CLOCK: variants seen among roughly 807,000 people sequenced by gnomAD.
CLOCK encodes circadian locomoter output cycles protein kaput.
CLOCK carries 43 observed loss-of-function variants against 118.4 expected under a neutral mutation model. That is an observed-to-expected ratio of 0.36 (90% CI 0.28 to 0.47). The LOEUF (loss-of-function observed/expected upper bound fraction) is 0.47, where lower values mean the gene tolerates loss of function less well. CLOCK is among the 20% of genes least tolerant of loss of function. The pLI is 1.00. For missense variants in CLOCK, 846 were observed against 999.9 expected (o/e 0.85, Z 2.08); for synonymous variants, 326 against 339.2 (o/e 0.96, Z 0.43).
chr4:55,498,579 T>TA (rs1728232293), intron 2 of CLOCK, among the ~76,000 whole-genome samples: 1 of 149,048 alleles, frequency 6.7e-6, no homozygotes, highest in Non-Finnish European at 1.5e-5. Context: ...GCTTTCAAAT[T>TA]TAAAAAATTG....
intron 21 of CLOCK, among the ~76,000 whole-genome samples, chr4:55,440,276 A>G (rs1242109619): frequency 6.6e-6 from 1 of 152,170 alleles, no homozygotes; most frequent in Non-Finnish European, 1.5e-5. Context: ...AAATTCATCA[A>G]CGCAGCATAG....
At chr4:55,474,455 G>A (rs772578034) in intron 7 of CLOCK, among the ~76,000 whole-genome samples, 4 of 152,158 alleles carry the variant, frequency 2.6e-5, no homozygotes, top group South Asian at 2.1e-4. Context: ...CAAGTGATCC[G>A]GGAGACCTGG....
chr4:55,466,346 T>C (rs1290696438), intron 8 of CLOCK, among the ~76,000 whole-genome samples: 2 of 152,168 alleles, frequency 1.3e-5, no homozygotes, highest in African/African-American at 4.8e-5. Context: ...TCCCCAGCCA[T>C]GCCAAACTGT....
intron 18 of CLOCK, among the ~76,000 whole-genome samples, chr4:55,445,561 T>C (rs1386817457): frequency 1.3e-5 from 2 of 150,434 alleles, no homozygotes; most frequent in Non-Finnish European, 3.0e-5. Context: ...GGTTGCTCTC[T>C]GCATCTGCTA....
intron 1 of CLOCK, among the ~76,000 whole-genome samples, chr4:55,529,387 T>C (rs4507426): frequency 0.3 from 46,227 of 151,940 alleles, 7,636 homozygotes; most frequent in East Asian, 0.58. Flanking sequence ...CTCAAACTCC[T>C]AGCTTCAAGC....
At chr4:55,435,658 C>T (rs1722820188) in intron 22 of CLOCK, 64 bp from the exon 23 acceptor site, 10 of 1,510,382 alleles carry the variant, frequency 6.6e-6, no homozygotes, top group Non-Finnish European at 9.2e-6. Flanking sequence ...ATAATAGTTA[C>T]TCACACTCTC....
intron 18 of CLOCK, among the ~76,000 whole-genome samples, 178 bp downstream of exon 18, chr4:55,448,601 C>CGCGCGCACGCGCGCGCGCGT (rs764071880): frequency 8.5e-6 from 1 of 116,980 alleles, no homozygotes; most frequent in Admixed American, 8.6e-5. Flanking sequence ...CGCACGCGCG[C>CGCGCGCACGCGCGCGCGCGT]GTGTGTGTGT....
At chr4:55,519,255 CTA>C (rs774612715) in intron 1 of CLOCK, among the ~76,000 whole-genome samples, 75 of 152,290 alleles carry the variant, frequency 4.9e-4, no homozygotes, top group Non-Finnish European at 1.0e-3. Flanking sequence ...CAAGGTCTCA[CTA>C]TGTTGCCCAG....
At chr4:55,462,026 T>C (rs568356666) in intron 9 of CLOCK, among the ~76,000 whole-genome samples, 2 of 152,214 alleles carry the variant, frequency 1.3e-5, no homozygotes, top group Admixed American at 1.3e-4. Flanking sequence ...TTGTGTTTAT[T>C]CTTTTGGCAT....
chr4:55,497,673 C>G (rs1439007783), intron 2 of CLOCK, among the ~76,000 whole-genome samples: 1 of 152,130 alleles, frequency 6.6e-6, no homozygotes, highest in East Asian at 1.9e-4. Flanking sequence ...ATGTGTATGA[C>G]AATTCAGGCT....
intron 1 of CLOCK, among the ~76,000 whole-genome samples, chr4:55,531,901 T>TA (rs35140581): frequency 0.32 from 46,926 of 144,652 alleles, 8,243 homozygotes; most frequent in East Asian, 0.56. Context: ...TTTTAAATGT[T>TA]AAAAAAAACA....
chr4:55,456,833 C>T (rs1330125152), intron 11 of CLOCK, among the ~76,000 whole-genome samples: 3 of 152,012 alleles, frequency 2.0e-5, no homozygotes, highest in East Asian at 3.9e-4. Flanking sequence ...GATGCACCAC[C>T]ACGCCCGGCT....
intron 1 of CLOCK, among the ~76,000 whole-genome samples, chr4:55,535,669 T>A (rs770710608): frequency 6.6e-6 from 1 of 151,806 alleles, no homozygotes. Context: ...ATAAAAATCA[T>A]ATTTTTAAAG....
intron 1 of CLOCK, among the ~76,000 whole-genome samples, chr4:55,514,938 G>A (rs1188848146): frequency 6.6e-6 from 1 of 152,162 alleles, no homozygotes; most frequent in Non-Finnish European, 1.5e-5. Context: ...TCTTGCAAAA[G>A]AGAATGTTAA....
chr4:55,509,479 G>A (rs1729009184), intron 2 of CLOCK, among the ~76,000 whole-genome samples: 1 of 152,128 alleles, frequency 6.6e-6, no homozygotes, highest in African/African-American at 2.4e-5. Flanking sequence ...ATTTGGTGGT[G>A]TGCAGACCCC....
chr4:55,435,445 C>T lies in CLOCK; in HGVS notation c.2511G>A (p.Leu837=). 1 of 1,614,004 alleles carries T rather than the reference C, an allele frequency of 6.2e-7. No individual in the cohort carries two copies. The highest frequency in any genetic ancestry group is 8.5e-7 in the Non-Finnish European group (1 of 1,179,906). The change falls in exon 23 of 23, where the codon TTG becomes TTA. Residue 837 remains leucine (L), a synonymous_variant. Transcript: ENST00000513440. ...QQLSRHRTDS[L]PDPSKVQPQ ...GTGGTTGAACCTTGGAAGGGTCGGGCAAGCTGTCAGTCCTGTGCCGGCTGA... is the reference window on the plus strand; with the variant it reads ...GTGGTTGAACCTTGGAAGGGTCGGGTAAGCTGTCAGTCCTGTGCCGGCTGA...
chr4:55,497,368 T>C (rs898903670), intron 2 of CLOCK, among the ~76,000 whole-genome samples: 4 of 152,228 alleles, frequency 2.6e-5, no homozygotes, highest in Admixed American at 6.5e-5. Context: ...CCATATTTTA[T>C]GGTTAACTGA....
intron 22 of CLOCK, among the ~76,000 whole-genome samples, chr4:55,436,934 G>A (rs550253741): frequency 2.9e-4 from 37 of 128,470 alleles, no homozygotes; most frequent in Non-Finnish European, 5.5e-4. Context: ...TTCTTTTAAG[G>A]GCCTTTGTTC....
intron 16 of CLOCK, 124 bp from the exon 17 acceptor site, chr4:55,449,620 A>G: frequency 5.0e-6 from 4 of 801,444 alleles, no homozygotes; most frequent in Admixed American, 2.0e-5. Context: ...CCATTCAATG[A>G]AAGTGAAGTC....
Sources: allele counts gnomAD v4.1 joint callset (sites outside exome capture counted in the v4.1 genomes callset), GRCh38; gene constraint gnomAD v4.1.1; transcripts MANE v1.5; gene names NCBI Gene and HGNC (gene_info 2026-07-23, HGNC 2026-07-21).